The following KCNH7 variants were observed in gnomAD, a reference collection of about 807,000 sequenced individuals.
KCNH7 encodes the protein voltage-gated inwardly rectifying potassium channel KCNH7.
A neutral mutation model predicts 120.8 loss-of-function variants in KCNH7; 49 were observed. The observed-to-expected ratio is 0.41, with a 90% CI of 0.32 to 0.51. The LOEUF (loss-of-function observed/expected upper bound fraction) is 0.51. KCNH7 is among the 20% of genes least tolerant of loss of function. KCNH7 has a pLI of 0.38. For synonymous variants in KCNH7, 547 were observed against 516.1 expected, an observed-to-expected ratio of 1.06 and a Z score of -0.81; for missense variants, 1,097 against 1,446.6, an observed-to-expected ratio of 0.76 and a Z score of 3.92.
At chr2:162,607,853 C>A (rs905251331) in intron 2 of KCNH7, among the ~76,000 whole-genome samples, 1 of 151,906 alleles carries the variant, frequency 6.6e-6, no homozygotes, top group East Asian at 1.9e-4. Flanking sequence ...CTAGATTTTA[C>A]CAAAATAAGT....
chr2:162,625,597 G>C (rs534002323), intron 2 of KCNH7, among the ~76,000 whole-genome samples: 1 of 152,110 alleles, frequency 6.6e-6, no homozygotes, highest in Non-Finnish European at 1.5e-5. Context: ...TTTAAAAATA[G>C]AATTGGGTAA....
chr2:162,814,397 G>C (rs2105576041), intron 2 of KCNH7, among the ~76,000 whole-genome samples: 1 of 152,256 alleles, frequency 6.6e-6, no homozygotes, highest in Admixed American at 6.5e-5. Context: ...TGTTTTCCAT[G>C]AGGCTTAATC....
intron 2 of KCNH7, among the ~76,000 whole-genome samples, chr2:162,683,624 C>T (rs1295008354): frequency 6.6e-6 from 1 of 151,728 alleles, no homozygotes; most frequent in Non-Finnish European, 1.5e-5. Context: ...AAAGACCTTC[C>T]CTGTGTGTCT....
chr2:162,813,025 G>A (rs1046185174), intron 2 of KCNH7, among the ~76,000 whole-genome samples: 1 of 152,028 alleles, frequency 6.6e-6, no homozygotes, highest in African/African-American at 2.4e-5. Flanking sequence ...TGGAAAGGAG[G>A]GGACAGGAAT....
chr2:162,393,487 T>C (rs932948752), intron 12 of KCNH7, among the ~76,000 whole-genome samples: 1 of 151,888 alleles, frequency 6.6e-6, no homozygotes, highest in African/African-American at 2.4e-5. Context: ...AAATTGACAC[T>C]GGTATAGAAT....
At chr2:162,474,959 C>T (rs1382304526) in intron 6 of KCNH7, among the ~76,000 whole-genome samples, 2 of 152,228 alleles carry the variant, frequency 1.3e-5, no homozygotes, top group African/African-American at 4.8e-5. Context: ...TAAGTGAGCT[C>T]AGAAGAGTCA....
chr2:162,610,842 G>A (rs563504455), intron 2 of KCNH7, among the ~76,000 whole-genome samples: 66 of 152,310 alleles, frequency 4.3e-4, no homozygotes, highest in Middle Eastern at 3.4e-3. Context: ...GTCATAGAAG[G>A]TATTAAATGA....
intron 6 of KCNH7, among the ~76,000 whole-genome samples, chr2:162,494,515 G>C (rs1383911992): frequency 2.6e-5 from 4 of 152,214 alleles, no homozygotes; most frequent in East Asian, 1.9e-4. Flanking sequence ...TGAACAATAA[G>C]TGTATATGTT....
rs1457901281 is a variant in KCNH7 at position 162,684,601 on chromosome 2, T to A, written c.308-147521A>T. On this transcript the variant is annotated intron_variant, in intron 2 of 15. Transcript: ENST00000332142. ...GTGGCCAACAAACATGAAAAAAAGC[T>A]CATCATCACTGGTCATTAGAGAAAT... Among the ~76,000 whole-genome samples, 3 of 152,182 alleles carry A rather than the reference T, an allele frequency of 2.0e-5. No individual in the cohort carries two copies. The East Asian group carries it at 5.8e-4, about 29-fold the overall frequency.
At chr2:162,417,200 G>A (rs959190049) in intron 9 of KCNH7, among the ~76,000 whole-genome samples, 1 of 152,050 alleles carries the variant, frequency 6.6e-6, no homozygotes, top group Non-Finnish European at 1.5e-5. Flanking sequence ...AAAATATTGT[G>A]GATGCTTTGA....
At chr2:162,541,829 A>G (rs1439751865) in intron 2 of KCNH7, among the ~76,000 whole-genome samples, 1 of 152,126 alleles carries the variant, frequency 6.6e-6, no homozygotes, top group Non-Finnish European at 1.5e-5. Flanking sequence ...CATTCTGCAC[A>G]TGTACCCCTG....
intron 2 of KCNH7, among the ~76,000 whole-genome samples, chr2:162,704,789 T>C (rs1237624519): frequency 2.0e-5 from 3 of 152,190 alleles, no homozygotes; most frequent in Non-Finnish European, 2.9e-5. Flanking sequence ...AATGGCTATA[T>C]GGTCAGGCAG....
intron 2 of KCNH7, among the ~76,000 whole-genome samples, chr2:162,589,668 C>A (rs1406056058): frequency 6.6e-6 from 1 of 152,008 alleles, no homozygotes; most frequent in Non-Finnish European, 1.5e-5. Context: ...TTTCATGTAC[C>A]AGGGATTGGA....
rs1213530834 is a variant in KCNH7 at position 162,815,265 on chromosome 2, G to A, written c.307+21272C>T. 2.6e-5 allele frequency among the ~76,000 whole-genome samples: 4 copies of A among 152,126 alleles called. No individual in the cohort carries two copies. In the East Asian group the frequency reaches 7.7e-4, roughly 29 times the overall value. The stretch of plus-strand genomic sequence containing the variant: ...AATTATTAAAACTTAGCCTTCTATT[G>A]AAACTAGGGAAGCTTTAAAGATTAC... On this transcript the variant is annotated intron_variant, in intron 2 of 15. Coordinates refer to ENST00000332142, the MANE Select transcript of KCNH7 (RefSeq NM_033272.4).
At chr2:162,377,483 G>A (rs959669173) in intron 14 of KCNH7, among the ~76,000 whole-genome samples, 1 of 152,158 alleles carries the variant, frequency 6.6e-6, no homozygotes, top group Non-Finnish European at 1.5e-5. Flanking sequence ...GGAAAGATGA[G>A]GAGGACTACA....
At chr2:162,605,293 T>C (rs1402854336) in intron 2 of KCNH7, among the ~76,000 whole-genome samples, 1 of 152,152 alleles carries the variant, frequency 6.6e-6, no homozygotes, top group Non-Finnish European at 1.5e-5. Flanking sequence ...TTTCTTGGGC[T>C]GAGCATGGAA....
At chr2:162,759,855 G>C (rs956307846) in intron 2 of KCNH7, among the ~76,000 whole-genome samples, 5 of 152,236 alleles carry the variant, frequency 3.3e-5, no homozygotes, top group Admixed American at 3.3e-4. Context: ...ATGAGAATGT[G>C]TATTTGCTTC....
chr2:162,752,429 C>T (rs1014893154), intron 2 of KCNH7, among the ~76,000 whole-genome samples: 4 of 152,122 alleles, frequency 2.6e-5, no homozygotes, highest in Non-Finnish European at 4.4e-5. Context: ...AAGAAGCAAA[C>T]TTATTTATGT....
At position 162,836,771 on chromosome 2, in the gene KCNH7, T is replaced by C; in HGVS notation, c.77-4A>G. On this transcript the variant is annotated splice_region_variant and splice_polypyrimidine_tract_variant and intron_variant, in intron 1 of 15. Transcript: ENST00000332142. ...TTTGCAATGATAAATTTTTTATCTG[T>C]AATAAGAAGACAGTATGGCATCTTT... The C allele has an allele frequency of 6.2e-7, 1 of 1,600,642 alleles. No homozygotes were observed. Among genetic ancestry groups the C allele is most frequent in the Non-Finnish European group, 8.6e-7 (1 of 1,167,992 alleles).
Sources: allele counts gnomAD v4.1 joint callset (sites outside exome capture counted in the v4.1 genomes callset), GRCh38; gene constraint gnomAD v4.1.1; transcripts MANE v1.5; gene names NCBI Gene and HGNC (gene_info 2026-07-23, HGNC 2026-07-21).